Variants in TTC7A observed in about 807,000 individuals in gnomAD.
TTC7A encodes the protein tetratricopeptide repeat domain 7A.
Under a neutral mutation model 103.7 loss-of-function variants are expected in TTC7A, and 110 were observed. The observed-to-expected ratio is 1.06, with a 90% CI of 0.91 to 1.24. The LOEUF (loss-of-function observed/expected upper bound fraction) is 1.24, where lower values mean the gene tolerates loss of function less well. Ranked by LOEUF, TTC7A falls within the 50% of genes most tolerant of loss-of-function variation. The pLI is 0.00. For synonymous variants in TTC7A, 521 were observed against 467.9 expected, an observed-to-expected ratio of 1.11 and a Z score of -1.47; for missense variants, 1,340 against 1,116.3, an observed-to-expected ratio of 1.20 and a Z score of -2.86.
chr2:47,023,397 G>A lies in TTC7A; in HGVS notation c.1511-11G>A, dbSNP rs780394149. 6.2e-7 allele frequency: 1 copy of A among 1,613,866 alleles called. No individual in the cohort carries two copies. Among genetic ancestry groups the A allele is most frequent in the Non-Finnish European group, 8.5e-7 (1 of 1,179,942 alleles). On this transcript the variant is annotated splice_polypyrimidine_tract_variant and intron_variant, in intron 12 of 19. Coordinates refer to ENST00000319190, the MANE Select transcript of TTC7A (RefSeq NM_020458.4). ...CCCCTGATGGCTCAGTTTCTGTCCTGTCCCCTGCAGCCACCCTGAAGTCCA... is the reference window on the plus strand; with the variant it reads ...CCCCTGATGGCTCAGTTTCTGTCCTATCCCCTGCAGCCACCCTGAAGTCCA...
intron 3 of TTC7A, among the ~76,000 whole-genome samples, chr2:46,972,169 A>G (rs1673423438): frequency 6.6e-6 from 1 of 151,712 alleles, no homozygotes; most frequent in South Asian, 2.1e-4. Context: ...TTTCGTGACT[A>G]AGAGTTTATT....
chr2:47,034,411 G>A (rs1680890760), intron 15 of TTC7A: 1 of 152,388 alleles, frequency 6.6e-6, no homozygotes, highest in African/African-American at 2.4e-5. Flanking sequence ...AGGCAGCTGG[G>A]AGGCCCGACC....
intron 15 of TTC7A, among the ~76,000 whole-genome samples, chr2:47,030,865 G>T (rs1013623058): frequency 6.6e-6 from 1 of 152,228 alleles, no homozygotes; most frequent in Admixed American, 6.5e-5. Flanking sequence ...ACTACTAAAG[G>T]CCAGGCGCAG....
intron 16 of TTC7A, chr2:47,047,153 G>T: frequency 1.5e-6 from 1 of 661,080 alleles, no homozygotes; most frequent in South Asian, 1.9e-5. Context: ...CCTCCTTCAG[G>T]TCAGGAGCCC....
intron 15 of TTC7A, among the ~76,000 whole-genome samples, chr2:47,039,708 A>T (rs181332213): frequency 9.1e-4 from 139 of 152,362 alleles, no homozygotes; most frequent in African/African-American, 3.2e-3. Flanking sequence ...TAGCAGTGTG[A>T]TCCTGCCCTA....
chr2:47,075,320 T>TAA lies in TTC7A; in HGVS notation c.*1400_*1401dup, dbSNP rs1489552863. On this transcript the variant is annotated 3_prime_UTR_variant, in exon 20 of 20. Coordinates refer to ENST00000319190, the MANE Select transcript of TTC7A (RefSeq NM_020458.4). ...AAATATAGTTTTTTATCTATATATA[T>TAA]AAAATAGAGATCTATTTTTTTTCTG... 1 of 152,214 alleles carries TAA rather than the reference T, an allele frequency of 6.6e-6. No individual in the cohort carries two copies. The highest frequency in any genetic ancestry group is 2.4e-5 in the African/African-American group (1 of 41,462). The allele number at this position is 152,214 out of a possible 1,614,324, so 9.4% of individuals were successfully genotyped here. A position where few individuals can be genotyped will look rare whatever the true frequency, so the allele number is the denominator to read the frequency against.
At chr2:47,030,531 G>C (rs541142778) in intron 15 of TTC7A, among the ~76,000 whole-genome samples, 1 of 152,190 alleles carries the variant, frequency 6.6e-6, no homozygotes, top group Admixed American at 6.5e-5. Flanking sequence ...CTAAAGAAAG[G>C]TGCTTTGGGA....
At chr2:46,959,958 A>G (rs1386597797) in intron 3 of TTC7A, among the ~76,000 whole-genome samples, 2 of 152,120 alleles carry the variant, frequency 1.3e-5, no homozygotes, top group Admixed American at 6.6e-5. Flanking sequence ...CAATAGAAAA[A>G]CCACATGTTC....
chr2:46,961,192 T>C (rs1204743637), intron 3 of TTC7A, among the ~76,000 whole-genome samples: 1 of 152,184 alleles, frequency 6.6e-6, no homozygotes, highest in Non-Finnish European at 1.5e-5. Context: ...CGATTCCAGG[T>C]GCAGGTGACA....
chr2:47,055,307 CTT>C (rs1179497526), intron 18 of TTC7A, among the ~76,000 whole-genome samples: 1 of 152,178 alleles, frequency 6.6e-6, no homozygotes, highest in Non-Finnish European at 1.5e-5. Flanking sequence ...TGAATTCACT[CTT>C]TGGTTGAATT....
At chr2:46,995,315 T>A in intron 8 of TTC7A, 116 bp downstream of exon 8, 1 of 996,142 alleles carries the variant, frequency 1.0e-6, no homozygotes, top group Non-Finnish European at 1.5e-6. Flanking sequence ...CCAGGGATAC[T>A]CCTAAAGTAG....
At chr2:46,928,673 G>C (rs1669531999) in intron 2 of TTC7A, among the ~76,000 whole-genome samples, 1 of 152,036 alleles carries the variant, frequency 6.6e-6, no homozygotes, top group Non-Finnish European at 1.5e-5. Context: ...GGGAGACTGA[G>C]GTTGGAGGAT....
At chr2:47,006,907 T>A (rs1336036156) in intron 10 of TTC7A, among the ~76,000 whole-genome samples, 183 bp downstream of exon 10, 2 of 152,156 alleles carry the variant, frequency 1.3e-5, no homozygotes, top group Non-Finnish European at 2.9e-5. Context: ...CCTGTCCACG[T>A]GCGAGCTGTG....
chr2:46,995,071 G>T lies in TTC7A; in HGVS notation c.1002-65G>T, dbSNP rs1278492327. The T allele has an allele frequency of 4.0e-6, 6 of 1,516,828 alleles. No homozygotes were observed. In the East Asian group the frequency reaches 1.1e-4, roughly 29 times the overall value. The allele number at this position is 1,516,828 out of a possible 1,614,324, so 94.0% of individuals were successfully genotyped here. ...GACTCTGGGGCAGAAGGCTGGCATG[G>T]TGGGTCAGTGGTGCTGTCTGGTGAG... On this transcript the variant is annotated intron_variant, in intron 7 of 19. Coordinates refer to ENST00000319190, the MANE Select transcript of TTC7A (RefSeq NM_020458.4).
chr2:46,942,633 C>T (rs1670539621), intron 1 of TTC7A, among the ~76,000 whole-genome samples: 1 of 152,174 alleles, frequency 6.6e-6, no homozygotes, highest in Non-Finnish European at 1.5e-5. Context: ...AGCAGGTACT[C>T]TTGTTTGTCC....
At chr2:47,038,355 C>T (rs1681359668) in intron 15 of TTC7A, among the ~76,000 whole-genome samples, 1 of 152,064 alleles carries the variant, frequency 6.6e-6, no homozygotes, top group Non-Finnish European at 1.5e-5. Context: ...CAGACTTGGA[C>T]CCTGCTTTTC....
At chr2:47,042,352 C>A (rs7577969) in intron 15 of TTC7A, among the ~76,000 whole-genome samples, 2 of 151,784 alleles carry the variant, frequency 1.3e-5, no homozygotes, top group Non-Finnish European at 2.9e-5. Context: ...AATTAAAAAA[C>A]TAGCTGGGTG....
At chr2:46,947,497 C>G (rs986131569) in intron 1 of TTC7A, among the ~76,000 whole-genome samples, 4 of 152,192 alleles carry the variant, frequency 2.6e-5, no homozygotes, top group African/African-American at 7.2e-5. Flanking sequence ...AGGCAGATCA[C>G]TTGAGCCCAG....
intron 15 of TTC7A, among the ~76,000 whole-genome samples, chr2:47,031,708 C>A (rs1680561667): frequency 6.6e-6 from 1 of 152,242 alleles, no homozygotes; most frequent in Non-Finnish European, 1.5e-5. Context: ...GCTGAGGGGG[C>A]CCCTCCATCC....
Sources: allele counts gnomAD v4.1 joint callset (sites outside exome capture counted in the v4.1 genomes callset), GRCh38; gene constraint gnomAD v4.1.1; transcripts MANE v1.5; gene names NCBI Gene and HGNC (gene_info 2026-07-23, HGNC 2026-07-21).